Variants in FRMD4A observed in about 807,000 individuals in gnomAD.
The protein encoded by FRMD4A is FERM domain-containing protein 4A.
A neutral mutation model predicts 129.1 loss-of-function variants in FRMD4A; 29 were observed. The observed-to-expected ratio is 0.22, with a 90% CI of 0.17 to 0.31. The LOEUF is 0.31. Ranked by LOEUF, FRMD4A falls within the 10% of genes least tolerant of loss-of-function variation. The pLI, the probability that FRMD4A is intolerant of heterozygous loss-of-function variation, is 1.00. For synonymous variants in FRMD4A, 634 were observed against 571.6 expected (o/e 1.11, Z -1.56); for missense variants, 1,272 against 1,375.8 (o/e 0.92, Z 1.19).
At chr10:13,699,680 T>A (rs1266437376) in intron 14 of FRMD4A, among the ~76,000 whole-genome samples, 1 of 151,994 alleles carries the variant, frequency 6.6e-6, no homozygotes, top group African/African-American at 2.4e-5. Flanking sequence ...TTCAGGAGCA[T>A]TGCCCAATCC....
chr10:13,715,356 A>G (rs2088676103), intron 12 of FRMD4A, among the ~76,000 whole-genome samples: 1 of 152,226 alleles, frequency 6.6e-6, no homozygotes, highest in African/African-American at 2.4e-5. Context: ...TTTGGAATTT[A>G]AAAATAAAGT....
chr10:13,684,506 CGCCAGCAGCACA>C, intron 15 of FRMD4A: 1 of 985,118 alleles, frequency 1.0e-6, no homozygotes, highest in African/African-American at 1.7e-5. Flanking sequence ...GTGGAGGCAA[CGCCAGCAGCACA>C]AACAGCAGCT....
intron 7 of FRMD4A, among the ~76,000 whole-genome samples, chr10:13,761,933 C>T (rs1564757865): frequency 1.3e-5 from 2 of 152,170 alleles, no homozygotes; most frequent in Admixed American, 1.3e-4. Context: ...CACCTCTAAG[C>T]CTGGGTCTGA....
chr10:14,128,093 TTTC>T (rs753530959), intron 2 of FRMD4A, among the ~76,000 whole-genome samples: 10 of 94,768 alleles, frequency 1.1e-4, no homozygotes, highest in East Asian at 4.2e-4. Flanking sequence ...TCTTTCTTTC[TTTC>T]TTTCTTTCTT....
intron 2 of FRMD4A, among the ~76,000 whole-genome samples, chr10:13,923,505 T>C (rs1235842616): frequency 6.6e-6 from 1 of 152,178 alleles, no homozygotes; most frequent in African/African-American, 2.4e-5. Context: ...TACACACACA[T>C]AAACCGGGTA....
Position 14,039,407 on chromosome 10 carries a change from C to CATCCATCCATCCATCCATCTATCT in FRMD4A, c.46-180496_46-180495insAGATAGATGGATGGATGGATGGAT, listed in dbSNP as rs1285305420. Among the ~76,000 whole-genome samples the CATCCATCCATCCATCCATCTATCT allele has an allele frequency of 2.7e-5, 4 of 147,700 alleles. 1 individual carries two copies. Among genetic ancestry groups the CATCCATCCATCCATCCATCTATCT allele is most frequent in the African/African-American group, 7.8e-5 (3 of 38,582 alleles). ...CCATCCATCCATCCATCCATCCATC[C>CATCCATCCATCCATCCATCTATCT]ATCTATCTATCTATCTATCTATCTA... On this transcript the variant is annotated intron_variant, in intron 2 of 24. Coordinates refer to ENST00000357447, the MANE Select transcript of FRMD4A (RefSeq NM_018027.5).
At chr10:13,952,579 A>G (rs1306622651) in intron 2 of FRMD4A, among the ~76,000 whole-genome samples, 2 of 152,250 alleles carry the variant, frequency 1.3e-5, no homozygotes, top group African/African-American at 4.8e-5. Flanking sequence ...TTCCTACCCC[A>G]AAATAACTGC....
rs1253650470 is a variant in FRMD4A at position 13,877,897 on chromosome 10, A to C, written c.46-18985T>G. 1.8e-4 allele frequency among the ~76,000 whole-genome samples: 28 copies of C among 152,134 alleles called. 1 individual carries two copies. Among genetic ancestry groups the C allele is most frequent in the Admixed American group, 1.8e-3 (27 of 15,280 alleles). On this transcript the variant is annotated intron_variant, in intron 2 of 24. Coordinates refer to ENST00000357447, the MANE Select transcript of FRMD4A (RefSeq NM_018027.5). ...GGGATAAGTCCTAGAGCTGCTCCCCATGTAAGCCTGGGCATGGAAGGTCAG... is the reference window on the plus strand; with the variant it reads ...GGGATAAGTCCTAGAGCTGCTCCCCCTGTAAGCCTGGGCATGGAAGGTCAG...
At chr10:13,666,051 G>A in intron 18 of FRMD4A, 46 bp downstream of exon 18, 1 of 1,189,506 alleles carries the variant, frequency 8.4e-7, no homozygotes, top group Non-Finnish European at 1.3e-6. Flanking sequence ...TGGTTGCCGG[G>A]GCCCGGGCGT....
intron 6 of FRMD4A, among the ~76,000 whole-genome samples, chr10:13,765,101 A>ATTT (rs10708906): frequency 4.5e-4 from 57 of 125,294 alleles, no homozygotes; most frequent in Non-Finnish European, 7.2e-4. Context: ...TCAAGGATTG[A>ATTT]TTTTTTTTTT....
chr10:13,951,890 A>AAATAATAATAAT (rs5783371), intron 2 of FRMD4A, among the ~76,000 whole-genome samples: 5,153 of 127,570 alleles, frequency 0.04, 114 homozygotes, highest in Admixed American at 0.055. Context: ...ACTCTGTCTC[A>AAATAATAATAAT]AATAATAATA....
intron 2 of FRMD4A, among the ~76,000 whole-genome samples, chr10:14,156,076 A>G (rs1840581998): frequency 6.6e-6 from 1 of 152,204 alleles, no homozygotes; most frequent in African/African-American, 2.4e-5. Flanking sequence ...AAGGAGATGT[A>G]TATATAAATG....
chr10:13,804,350 AAG>A (rs879699832), intron 4 of FRMD4A, among the ~76,000 whole-genome samples: 1 of 152,120 alleles, frequency 6.6e-6, no homozygotes, highest in Non-Finnish European at 1.5e-5. Flanking sequence ...AATTGTAGAT[AAG>A]CTTGTGGCCA....
At chr10:13,803,762 CTAAA>C (rs1564830055) in intron 4 of FRMD4A, among the ~76,000 whole-genome samples, 1 of 152,202 alleles carries the variant, frequency 6.6e-6, no homozygotes. Flanking sequence ...AGAGCAGATG[CTAAA>C]TAAATATTTG....
At chr10:13,760,536 T>C (rs533110855) in intron 8 of FRMD4A, among the ~76,000 whole-genome samples, 1 of 151,502 alleles carries the variant, frequency 6.6e-6, no homozygotes, top group South Asian at 2.1e-4. Flanking sequence ...AATTAAAAAA[T>C]AATAATAATA....
intron 2 of FRMD4A, among the ~76,000 whole-genome samples, chr10:14,301,579 T>C (rs1035589303): frequency 1.3e-5 from 2 of 152,356 alleles, no homozygotes; most frequent in South Asian, 2.1e-4. Flanking sequence ...GACTAAATAT[T>C]GGCCATTACA....
intron 2 of FRMD4A, among the ~76,000 whole-genome samples, chr10:14,297,496 G>A (rs1347617268): frequency 1.3e-5 from 2 of 152,094 alleles, no homozygotes; most frequent in African/African-American, 2.4e-5. Flanking sequence ...ATCATTATCA[G>A]AATCACTCCA....
chr10:13,748,012 C>T (rs184847159), intron 8 of FRMD4A, among the ~76,000 whole-genome samples, 193 bp from the exon 9 acceptor site: 147 of 152,276 alleles, frequency 9.7e-4, no homozygotes, highest in African/African-American at 3.4e-3. Context: ...CACACCAAGC[C>T]CAGTAACCGC....
At chr10:13,996,702 GTTAC>G (rs1313114763) in intron 2 of FRMD4A, among the ~76,000 whole-genome samples, 1 of 152,168 alleles carries the variant, frequency 6.6e-6, no homozygotes, top group East Asian at 1.9e-4. Flanking sequence ...GTTGGCACCT[GTTAC>G]TTACTTTCCT....
Sources: allele counts gnomAD v4.1 joint callset (sites outside exome capture counted in the v4.1 genomes callset), GRCh38; gene constraint gnomAD v4.1.1; transcripts MANE v1.5; gene names NCBI Gene and HGNC (gene_info 2026-07-23, HGNC 2026-07-21).